Variants in PEBP1 observed in about 807,000 individuals in gnomAD.
PEBP1 encodes phosphatidylethanolamine-binding protein 1.
Under a neutral mutation model 22.7 loss-of-function variants are expected in PEBP1, and 17 were observed. That is an observed-to-expected ratio of 0.75 (90% CI 0.51 to 1.12). The LOEUF (loss-of-function observed/expected upper bound fraction) is 1.12, where lower values mean the gene tolerates loss of function less well. Among genes scored for constraint, PEBP1 ranks in the 50% most tolerant of loss-of-function variants. The pLI, the probability that PEBP1 is intolerant of heterozygous loss-of-function variation, is 0.00. For synonymous variants in PEBP1, 106 were observed against 104.3 expected (o/e 1.02, Z -0.10); for missense variants, 205 against 243.5 (o/e 0.84, Z 1.05).
chr12:118,137,456 TG>T (rs935920608), intron 1 of PEBP1, among the ~76,000 whole-genome samples: 8 of 151,726 alleles, frequency 5.3e-5, no homozygotes, highest in African/African-American at 1.9e-4. Context: ...GAGGCTGAGG[TG>T]GGAGGATCGA....
rs891207112 is a variant in PEBP1, at chr12:118,144,669, G to T, written c.430G>T (p.Asp144Tyr). The T allele has an allele frequency of 4.3e-6, 7 of 1,614,046 alleles. No homozygotes were observed. The African/African-American group carries it at 9.3e-5, about 22-fold the overall frequency. ...DEPILSNRSGDHRGKFKVASF... is the reference protein window; with the variant it reads ...DEPILSNRSGYHRGKFKVASF... ...GCCCATCCTCAGCAACCGATCTGGA[G>T]ACCACCGTGGCAAATTCAAGGTGGC... is the stretch of plus-strand genomic sequence containing the variant. Residue 144 changes from aspartate (D) to tyrosine (Y), a missense_variant, in exon 4 of 4, where the codon GAC becomes TAC. Transcript: ENST00000261313.
chr12:118,138,234 C>T (rs1324918153), intron 2 of PEBP1, 86 bp downstream of exon 2: 1 of 937,870 alleles, frequency 1.1e-6, no homozygotes, highest in African/African-American at 1.6e-5. Context: ...GAGAAGTAGA[C>T]CTGGTTTGGG....
chr12:118,141,462 G>A (rs1009530226), intron 3 of PEBP1, among the ~76,000 whole-genome samples: 2 of 152,126 alleles, frequency 1.3e-5, no homozygotes, highest in Non-Finnish European at 2.9e-5. Flanking sequence ...GACCAGGCAC[G>A]GTGGCTCACG....
At chr12:118,137,862 A>G (rs895842331) in intron 1 of PEBP1, among the ~76,000 whole-genome samples, 177 bp from the exon 2 acceptor site, 4 of 151,944 alleles carry the variant, frequency 2.6e-5, no homozygotes, top group Admixed American at 1.3e-4. Context: ...TAATTTTTGT[A>G]GTTTTAGTAG....
chr12:118,142,622 A>C (rs2034123306), intron 3 of PEBP1, among the ~76,000 whole-genome samples: 2 of 151,880 alleles, frequency 1.3e-5, no homozygotes, highest in African/African-American at 4.8e-5. Flanking sequence ...GATTACAGAC[A>C]CGTGCCACCA....
In PEBP1 at chr12:118,144,777, C is replaced by T. The variant is rs370182002; in HGVS notation, c.538C>T (p.Leu180=). ...CGAGTGGGATGACTATGTGCCCAAACTGTACGAGCAGCTGTCTGGGAAGTA... is the reference window on the plus strand; with the variant it reads ...CGAGTGGGATGACTATGTGCCCAAATTGTACGAGCAGCTGTCTGGGAAGTA... ...QAEWDDYVPK[L]YEQLSGK Residue 180 remains leucine (L), a synonymous_variant, in exon 4 of 4, where the codon CTG becomes TTG. Coordinates refer to ENST00000261313, the MANE Select transcript of PEBP1 (RefSeq NM_002567.4). 135 of 1,614,114 alleles carry T rather than the reference C, an allele frequency of 8.4e-5. 1 individual carries two copies. In the Middle Eastern group the frequency reaches 9.9e-4, roughly 12 times the overall value.
rs138943811 is a variant in PEBP1 at position 118,138,052 on chromosome 12, C to G, written c.149C>G (p.Pro50Arg). 6.2e-7 allele frequency: 1 copy of G among 1,612,696 alleles called. No individual in the cohort carries two copies. Among genetic ancestry groups the G allele is most frequent in the Non-Finnish European group, 8.5e-7 (1 of 1,179,074 alleles). The stretch of plus-strand genomic sequence containing the variant: ...TCCTTCATACAGGTTAAGAATAGAC[C>G]CACCAGCATTTCGTGGGATGGTCTT... ...VLTPTQVKNR[P>R]TSISWDGLDS... is the part of the protein sequence containing the mutation. Residue 50 changes from proline (P) to arginine (R), a missense_variant, in exon 2 of 4, where the codon CCC becomes CGC. Coordinates refer to ENST00000261313, the MANE Select transcript of PEBP1 (RefSeq NM_002567.4).
rs534530135 is a variant in PEBP1, at chr12:118,136,651, C to A, written c.135+307C>A. Among the ~76,000 whole-genome samples, 39 of 152,226 alleles carry A rather than the reference C, an allele frequency of 2.6e-4. No homozygotes were observed. Among genetic ancestry groups the A allele is most frequent in the African/African-American group, 7.7e-4 (32 of 41,464 alleles). ...AACAGGCCGGATCCCCCTCTCCCCC[C>A]ACAGGCCAGGGCGCTGGAGAGGGAC... On this transcript the variant is annotated intron_variant, in intron 1 of 3. Coordinates refer to ENST00000261313, the MANE Select transcript of PEBP1 (RefSeq NM_002567.4). This position sits in a 1 kb window ranked among gnomAD's most constrained non-coding sequence, Gnocchi z 5.6.
chr12:118,142,826 CTTTTTTTTTTTTTT>C (rs374392598), intron 3 of PEBP1, among the ~76,000 whole-genome samples: 20 of 93,626 alleles, frequency 2.1e-4, no homozygotes, highest in East Asian at 3.7e-4. Flanking sequence ...ACTACATTCA[CTTTTTTTTTTTTTT>C]TTTTTTTTTT....
rs2138090710 is a variant in PEBP1 at position 118,144,688 on chromosome 12, A to G, written c.449A>G (p.Lys150Arg). 6.2e-7 allele frequency: 1 copy of G among 1,614,156 alleles called. No individual in the cohort carries two copies. ...NRSGDHRGKF[K>R]VASFRKKYEL... is the part of the protein sequence containing the mutation. ...TCTGGAGACCACCGTGGCAAATTCA[A>G]GGTGGCGTCCTTCCGTAAAAAGTAT... The change falls in exon 4 of 4, where the codon AAG becomes AGG. Residue 150 changes from lysine to arginine, a missense_variant. By Grantham distance (26) the Lys-to-Arg change is conservative (BLOSUM62 2). Transcript: ENST00000261313.
chr12:118,139,445 A>C lies in PEBP1; in HGVS notation c.246-6A>C. On this transcript the variant is annotated splice_polypyrimidine_tract_variant and splice_region_variant and intron_variant, in intron 2 of 3. Coordinates refer to ENST00000261313, the MANE Select transcript of PEBP1 (RefSeq NM_002567.4). ...TGGTGCTGACATCCCGTGTTTCTTC[A>C]TGCAGAGAATGGCATCATTTCCTGG... 1 of 1,604,450 alleles carries C rather than the reference A, an allele frequency of 6.2e-7. No homozygotes were observed.
At chr12:118,140,072 A>G (rs1382206883) in intron 3 of PEBP1, among the ~76,000 whole-genome samples, 1 of 152,158 alleles carries the variant, frequency 6.6e-6, no homozygotes, top group Non-Finnish European at 1.5e-5. Flanking sequence ...ACACACACAC[A>G]CATTGTATTG....
In PEBP1 at chr12:118,139,529, C is replaced by G. The variant is rs937606274; in HGVS notation, c.324C>G (p.Gly108=). ...SSGTVLSDYV[G]SGPPKGTGLH... ...GCACAGTCCTCTCCGATTATGTGGG[C>G]TCGGGGCCTCCCAAGGGCACAGGTT... Residue 108 remains glycine, a synonymous_variant, in exon 3 of 4, where the codon GGC becomes GGG. Transcript: ENST00000261313. 1.2e-6 allele frequency: 2 copies of G among 1,612,622 alleles called. No individual in the cohort carries two copies. The highest frequency in any genetic ancestry group is 1.7e-6 in the Non-Finnish European group (2 of 1,179,112).
At chr12:118,141,699 G>A (rs1023630699) in intron 3 of PEBP1, among the ~76,000 whole-genome samples, 7 of 152,200 alleles carry the variant, frequency 4.6e-5, no homozygotes, top group East Asian at 3.9e-4. Context: ...GTGCCATTGC[G>A]CTCTAGCCTG....
At chr12:118,144,463 G>A (rs2138090350) in intron 3 of PEBP1, 123 bp from the exon 4 acceptor site, 1 of 889,204 alleles carries the variant, frequency 1.1e-6, no homozygotes, top group East Asian at 2.7e-5. Flanking sequence ...TGGACCCTCG[G>A]TGTCCTCCTT....
chr12:118,145,118 C>A lies in PEBP1; in HGVS notation c.*315C>A. ...AAAGAAAAAACTGGGGGGAAAAAGA[C>A]CAGGTCTACAGTGATAGAGCAAAGC... On this transcript the variant is annotated 3_prime_UTR_variant, in exon 4 of 4. Coordinates refer to ENST00000261313, the MANE Select transcript of PEBP1 (RefSeq NM_002567.4). 2 of 660,670 alleles carry A rather than the reference C, an allele frequency of 3.0e-6. No homozygotes were observed. The highest frequency in any genetic ancestry group is 1.9e-5 in the African/African-American group (1 of 52,568). The allele number at this position is 660,670 out of a possible 1,614,324, so 40.9% of individuals were successfully genotyped here.
chr12:118,141,477 T>C (rs1486314648), intron 3 of PEBP1, among the ~76,000 whole-genome samples: 1 of 152,166 alleles, frequency 6.6e-6, no homozygotes, highest in East Asian at 1.9e-4. Flanking sequence ...CTCACGCCTA[T>C]AATCCCAGCA....
At chr12:118,137,385 A>G (rs2034073694) in intron 1 of PEBP1, among the ~76,000 whole-genome samples, 1 of 151,762 alleles carries the variant, frequency 6.6e-6, no homozygotes. Flanking sequence ...CAAGACCCCA[A>G]CTCTACAAAA....
chr12:118,139,999 C>A (rs1487704284), intron 3 of PEBP1, among the ~76,000 whole-genome samples: 1 of 152,088 alleles, frequency 6.6e-6, no homozygotes, highest in East Asian at 1.9e-4. Context: ...CTGAAAAAGT[C>A]TAGCTGGGTA....
Sources: allele counts gnomAD v4.1 joint callset (sites outside exome capture counted in the v4.1 genomes callset), GRCh38; gene constraint gnomAD v4.1.1; non-coding constraint Gnocchi (gnomAD v3.1); transcripts MANE v1.5; gene names NCBI Gene and HGNC (gene_info 2026-07-23, HGNC 2026-07-21).